The following ANKS1B variants were observed in gnomAD, a reference collection of about 807,000 sequenced individuals.
ANKS1B encodes the protein ankyrin repeat and sterile alpha motif domain containing 1B.
Under a neutral mutation model 148.3 loss-of-function variants are expected in ANKS1B, and 36 were observed. The observed-to-expected ratio is 0.24, with a 90% CI of 0.19 to 0.32. The LOEUF is 0.32. ANKS1B is among the 10% of genes least tolerant of loss of function. The probability of loss-of-function intolerance (pLI) is 1.00; values close to 1 mark genes in which losing one functional copy is unlikely to be tolerated. For missense variants in ANKS1B, 1,157 were observed against 1,542.6 expected, an observed-to-expected ratio of 0.75 and a Z score of 4.19; for synonymous variants, 542 against 560.8, an observed-to-expected ratio of 0.97 and a Z score of 0.47.
chr12:99,498,340 G>C (rs2096623479), intron 10 of ANKS1B, among the ~76,000 whole-genome samples: 1 of 152,110 alleles, frequency 6.6e-6, no homozygotes, highest in Non-Finnish European at 1.5e-5. Flanking sequence ...TTCTACCCTA[G>C]TATCATTCTA....
intron 12 of ANKS1B, among the ~76,000 whole-genome samples, chr12:99,321,245 G>C (rs10161325): frequency 0.38 from 57,178 of 152,060 alleles, 14,427 homozygotes; most frequent in African/African-American, 0.71. Flanking sequence ...CAGACAGGGA[G>C]GTTTAACTCT....
intron 12 of ANKS1B, among the ~76,000 whole-genome samples, chr12:99,266,218 G>A (rs886241081): frequency 4.6e-5 from 7 of 152,060 alleles, no homozygotes; most frequent in South Asian, 4.1e-4. Flanking sequence ...AGTGACATAG[G>A]TTTTATTACT....
At chr12:99,253,173 G>C (rs748652249) in intron 12 of ANKS1B, among the ~76,000 whole-genome samples, 8 of 151,946 alleles carry the variant, frequency 5.3e-5, no homozygotes, top group Non-Finnish European at 1.2e-4. Flanking sequence ...TCTGCGGTGA[G>C]CTTTGATCAT....
chr12:99,421,629 A>T (rs551985178), intron 11 of ANKS1B, among the ~76,000 whole-genome samples: 1 of 152,330 alleles, frequency 6.6e-6, no homozygotes, highest in Admixed American at 6.5e-5. Context: ...TGACTTGTTT[A>T]CAGGAGCAGA....
At chr12:99,962,314 C>A (rs2095423874) in intron 1 of ANKS1B, among the ~76,000 whole-genome samples, 1 of 152,048 alleles carries the variant, frequency 6.6e-6, no homozygotes, top group African/African-American at 2.4e-5. Flanking sequence ...TTTTCTGTTC[C>A]CGTGTTAGTT....
intron 9 of ANKS1B, among the ~76,000 whole-genome samples, chr12:99,641,469 G>A (rs2098304651): frequency 6.6e-6 from 1 of 152,086 alleles, no homozygotes; most frequent in South Asian, 2.1e-4. Flanking sequence ...GGTATGAGGA[G>A]GGTATGATGT....
chr12:99,463,694 C>T (rs1254978346), intron 10 of ANKS1B, among the ~76,000 whole-genome samples: 1 of 152,198 alleles, frequency 6.6e-6, no homozygotes, highest in East Asian at 1.9e-4. Flanking sequence ...ATTGCTAGCA[C>T]AGCAGTCTGA....
chr12:99,169,158 A>G (rs1176037664), intron 14 of ANKS1B, among the ~76,000 whole-genome samples: 1 of 152,188 alleles, frequency 6.6e-6, no homozygotes, highest in Non-Finnish European at 1.5e-5. Context: ...TACTTGTGGA[A>G]TTTATAGCCT....
intron 11 of ANKS1B, among the ~76,000 whole-genome samples, chr12:99,417,629 A>G (rs1378649918): frequency 6.6e-6 from 1 of 152,128 alleles, no homozygotes; most frequent in Admixed American, 6.5e-5. Context: ...CTAAATATCA[A>G]TTTGGAACAA....
At chr12:99,433,551 G>A (rs139248056) in intron 11 of ANKS1B, among the ~76,000 whole-genome samples, 261 of 152,234 alleles carry the variant, frequency 1.7e-3, no homozygotes, top group Non-Finnish European at 2.7e-3. Context: ...TGGATCTGAG[G>A]TGTGAGAGAA....
At chr12:99,665,573 G>A (rs1243227987) in intron 8 of ANKS1B, among the ~76,000 whole-genome samples, 1 of 151,604 alleles carries the variant, frequency 6.6e-6, no homozygotes, top group Non-Finnish European at 1.5e-5. Flanking sequence ...TGCAAGCTCT[G>A]CCTCCCAGGC....
Position 98,923,227 on chromosome 12 carries a change from A to G in ANKS1B, c.2779-91091T>C, listed in dbSNP as rs76061102. Among the ~76,000 whole-genome samples the G allele has an allele frequency of 2.1e-3, 315 of 152,292 alleles. 13 individuals carry two copies. The East Asian group carries it at 0.055, about 27-fold the overall frequency. ...GTTTTGCTCTTTTGCTTCCTTTCTCAGCCTGTGATCTCTGCACACTTTGGC... is the reference window on the plus strand; with the variant it reads ...GTTTTGCTCTTTTGCTTCCTTTCTCGGCCTGTGATCTCTGCACACTTTGGC... On this transcript the variant is annotated intron_variant, in intron 17 of 26. Transcript: ENST00000683438.
At chr12:99,899,923 G>A (rs1350077520) in intron 1 of ANKS1B, among the ~76,000 whole-genome samples, 3 of 150,990 alleles carry the variant, frequency 2.0e-5, no homozygotes, top group African/African-American at 7.3e-5. Context: ...CTTTTAGATG[G>A]AATCTCGCTT....
At chr12:99,436,724 C>T (rs1463390124) in intron 11 of ANKS1B, among the ~76,000 whole-genome samples, 1 of 151,978 alleles carries the variant, frequency 6.6e-6, no homozygotes, top group Non-Finnish European at 1.5e-5. Flanking sequence ...TAATCATACA[C>T]AGGTCCAGAA....
intron 9 of ANKS1B, among the ~76,000 whole-genome samples, chr12:99,636,499 A>G (rs556403646): frequency 1.9e-3 from 291 of 152,304 alleles, no homozygotes; most frequent in African/African-American, 6.7e-3. Context: ...AAGCTACATC[A>G]CTAGTGTTTC....
intron 8 of ANKS1B, among the ~76,000 whole-genome samples, chr12:99,718,865 G>C (rs995077058): frequency 6.6e-6 from 1 of 152,174 alleles, no homozygotes; most frequent in Non-Finnish European, 1.5e-5. Context: ...CTGCCACAAG[G>C]CTTCACAGAC....
At chr12:99,956,796 C>T (rs1342739788) in intron 1 of ANKS1B, among the ~76,000 whole-genome samples, 1 of 152,206 alleles carries the variant, frequency 6.6e-6, no homozygotes, top group African/African-American at 2.4e-5. Flanking sequence ...GAAGAGATTT[C>T]ATAACTATAT....
chr12:99,408,420 T>C lies in ANKS1B; in HGVS notation c.1576-8609A>G, dbSNP rs2094583204. Among the ~76,000 whole-genome samples the C allele has an allele frequency of 3.4e-5, 5 of 145,982 alleles. 1 individual carries two copies. The highest frequency in any genetic ancestry group is 1.3e-4 in the African/African-American group (5 of 38,616). On this transcript the variant is annotated intron_variant, in intron 11 of 26. Transcript: ENST00000683438. Reference sequence around the variant, plus strand: ...CTAAAAGAAAGCATCAGGGAAGCTCTCCAGGACATTGGACTAGGCAAAAAT... The same window carrying C: ...CTAAAAGAAAGCATCAGGGAAGCTCCCCAGGACATTGGACTAGGCAAAAAT...
intron 8 of ANKS1B, among the ~76,000 whole-genome samples, chr12:99,718,113 C>T (rs923552643): frequency 6.6e-6 from 1 of 151,756 alleles, no homozygotes; most frequent in African/African-American, 2.4e-5. Context: ...CCATGTTAGC[C>T]AGGATGGTCT....
Sources: allele counts gnomAD v4.1 joint callset (sites outside exome capture counted in the v4.1 genomes callset), GRCh38; gene constraint gnomAD v4.1.1; transcripts MANE v1.5; gene names NCBI Gene and HGNC (gene_info 2026-07-23, HGNC 2026-07-21).